Variants in B4GALNT3 observed in about 807,000 individuals in gnomAD.
B4GALNT3 encodes beta-1,4-N-acetyl-galactosaminyltransferase 3.
B4GALNT3 carries 86 observed loss-of-function variants against 120.2 expected under a neutral mutation model. The observed-to-expected ratio is 0.72, with a 90% confidence interval of 0.60 to 0.86. The LOEUF (loss-of-function observed/expected upper bound fraction) is 0.86, where lower values mean the gene tolerates loss of function less well. B4GALNT3 is among the 40% of genes least tolerant of loss of function. B4GALNT3 has a pLI of 0.00. For synonymous variants in B4GALNT3, 518 were observed against 510.4 expected, an observed-to-expected ratio of 1.01 and a Z score of -0.20; for missense variants, 1,167 against 1,298.9, an observed-to-expected ratio of 0.90 and a Z score of 1.56.
intron 3 of B4GALNT3, among the ~76,000 whole-genome samples, chr12:537,316 G>T (rs1302925723): frequency 1.3e-5 from 2 of 152,264 alleles, no homozygotes; most frequent in African/African-American, 4.8e-5. Flanking sequence ...ACAGGGTCTT[G>T]CTTTGTTTCC....
At chr12:511,396 T>C (rs186709112) in intron 1 of B4GALNT3, among the ~76,000 whole-genome samples, 58 of 52,294 alleles carry the variant, frequency 1.1e-3, no homozygotes, top group Admixed American at 2.0e-3. Flanking sequence ...CCACCTTCTG[T>C]CTTCCACCTT....
intron 3 of B4GALNT3, among the ~76,000 whole-genome samples, chr12:541,827 C>A: frequency 7.8e-6 from 1 of 128,410 alleles, no homozygotes; most frequent in Non-Finnish European, 1.7e-5. Flanking sequence ...TCTCCCTGCC[C>A]AGTCCCCCCC....
At position 562,438 on chromosome 12, in the gene B4GALNT3, G is replaced by A. The variant is rs1228343491; in HGVS notation, c.*987G>A. ...AGCCTCACAGTCCAGCTCCACTGCA[G>A]ACCTGCCCTTCTGCAGGGAGAGCCC... is the stretch of plus-strand genomic sequence containing the variant. On this transcript the variant is annotated 3_prime_UTR_variant, in exon 20 of 20. Coordinates refer to ENST00000266383, the MANE Select transcript of B4GALNT3 (RefSeq NM_173593.4). The surrounding 1 kb of genome is among the most constrained non-coding windows in gnomAD (Gnocchi z 5.2). 6.6e-6 allele frequency: 1 copy of A among 152,406 alleles called. No individual in the cohort carries two copies. Among genetic ancestry groups the A allele is most frequent in the African/African-American group, 2.4e-5 (1 of 41,468 alleles). The allele number at this position is 152,406 out of a possible 1,614,324, so 9.4% of individuals were successfully genotyped here. A position where few individuals can be genotyped will look rare whatever the true frequency, so the allele number is the denominator to read the frequency against.
At chr12:512,266 CCTTCTTCCACCTTCCACCTTCCACCTT>C (rs1946588298) in intron 1 of B4GALNT3, among the ~76,000 whole-genome samples, 2 of 75,308 alleles carry the variant, frequency 2.7e-5, no homozygotes, top group African/African-American at 7.6e-5. Flanking sequence ...CCTTCTTCCA[CCTTCTTCCACCTTCCACCTTCCACCTT>C]CTTCCACCTT....
intron 1 of B4GALNT3, among the ~76,000 whole-genome samples, chr12:511,307 A>ACCTTCCG (rs1434465421): frequency 1.6e-5 from 1 of 64,120 alleles, no homozygotes; most frequent in Non-Finnish European, 3.1e-5. Flanking sequence ...TCCACCTTCC[A>ACCTTCCG]CCTTCCGCCT....
At chr12:511,013 CTTTT>C (rs762032000) in intron 1 of B4GALNT3, among the ~76,000 whole-genome samples, 56 of 43,826 alleles carry the variant, frequency 1.3e-3, no homozygotes, top group Middle Eastern at 0.018. Flanking sequence ...TTTGCCTATT[CTTTT>C]TTTTTTTTTT....
chr12:466,033 T>C (rs896524865), intron 1 of B4GALNT3, among the ~76,000 whole-genome samples: 2 of 139,912 alleles, frequency 1.4e-5, no homozygotes, highest in African/African-American at 2.7e-5. Context: ...TGAGGTCCCA[T>C]TCCCCTGCTT....
intron 11 of B4GALNT3, among the ~76,000 whole-genome samples, 176 bp downstream of exon 11, chr12:551,207 C>G (rs561592718): frequency 6.6e-6 from 1 of 152,244 alleles, no homozygotes; most frequent in Admixed American, 6.5e-5. Context: ...ATGGACCGCC[C>G]TGAATAGACT....
Position 490,596 on chromosome 12 carries a change from G to A in B4GALNT3, c.169+30051G>A, listed in dbSNP as rs140385859. 3.3e-3 allele frequency among the ~76,000 whole-genome samples: 498 copies of A among 152,224 alleles called. 2 individuals are homozygous for A. Among genetic ancestry groups the A allele is most frequent in the African/African-American group, 0.011 (467 of 41,532 alleles). ...AATACAAAAATTATCTGGGCATAGT[G>A]GCTTGTGCCTATAGTCCCAGCTACT... On this transcript the variant is annotated intron_variant, in intron 1 of 19. Transcript: ENST00000266383.
chr12:492,476 A>G (rs1178611954), intron 1 of B4GALNT3, among the ~76,000 whole-genome samples: 1 of 152,244 alleles, frequency 6.6e-6, no homozygotes, highest in Non-Finnish European at 1.5e-5. Context: ...AGAACTAATT[A>G]AGTAAAGAGA....
Position 521,981 on chromosome 12 carries a change from T to TG in B4GALNT3, c.170-13185_170-13184insG, listed in dbSNP as rs1235753602. Among the ~76,000 whole-genome samples the TG allele has an allele frequency of 5.9e-5, 9 of 151,546 alleles. No homozygotes were observed. The East Asian group carries it at 1.6e-3, about 26-fold the overall frequency. On this transcript the variant is annotated intron_variant, in intron 1 of 19. Transcript: ENST00000266383. ...CCGCTCAGAAGTTCTTTTTTTTTTT[T>TG]TAACTTATTGGCTGGGATTGCCCCA...
intron 3 of B4GALNT3, among the ~76,000 whole-genome samples, chr12:541,450 C>T (rs952398273): frequency 2.6e-5 from 4 of 152,204 alleles, no homozygotes; most frequent in Admixed American, 6.5e-5. Flanking sequence ...GACAATGGAG[C>T]GAGTGGGCAG....
intron 1 of B4GALNT3, among the ~76,000 whole-genome samples, chr12:498,802 C>G (rs1271326207): frequency 6.6e-6 from 1 of 152,240 alleles, no homozygotes; most frequent in Non-Finnish European, 1.5e-5. Context: ...GCACGCTGGA[C>G]AGCCAGGGGC....
intron 3 of B4GALNT3, chr12:543,194 C>T (rs1438634069): frequency 7.8e-6 from 10 of 1,289,294 alleles, no homozygotes; most frequent in South Asian, 2.5e-5. Flanking sequence ...ATGGGGTGAA[C>T]ATCAGCACCA....
intron 14 of B4GALNT3, among the ~76,000 whole-genome samples, chr12:554,419 C>T (rs1428203148): frequency 6.6e-6 from 1 of 152,190 alleles, no homozygotes; most frequent in African/African-American, 2.4e-5. Context: ...ATTCATTCAA[C>T]CAGTCAACAT....
At chr12:517,342 G>A (rs1445323648) in intron 1 of B4GALNT3, among the ~76,000 whole-genome samples, 1 of 152,064 alleles carries the variant, frequency 6.6e-6, no homozygotes, top group African/African-American at 2.4e-5. Context: ...AGAAGATCAG[G>A]GATTACAGGG....
At chr12:555,491 G>A (rs1947141565) in intron 14 of B4GALNT3, 1 of 402,262 alleles carries the variant, frequency 2.5e-6, no homozygotes. Flanking sequence ...ATCCGTTGAA[G>A]GACATGTGGG....
chr12:462,362 C>T (rs1346848077), intron 1 of B4GALNT3, among the ~76,000 whole-genome samples: 1 of 149,732 alleles, frequency 6.7e-6, no homozygotes, highest in Admixed American at 6.7e-5. Flanking sequence ...TTTTCTTTTA[C>T]CTCCGGTGTG....
chr12:460,366 G>A lies in B4GALNT3; in HGVS notation c.-11G>A. On this transcript the variant is annotated 5_prime_UTR_variant, in exon 1 of 20. Transcript: ENST00000266383. This position sits in a 1 kb window ranked among gnomAD's most constrained non-coding sequence, Gnocchi z 8.0. Reference sequence around the variant, plus strand: ...AGCCCGCGCTGGCGGCGGCCGCCTCGGCGCAGCGCCATGGGGAGCCCCCGG... The same window carrying A: ...AGCCCGCGCTGGCGGCGGCCGCCTCAGCGCAGCGCCATGGGGAGCCCCCGG... The A allele has an allele frequency of 8.4e-7, 1 of 1,189,166 alleles. No homozygotes were observed. The highest frequency in any genetic ancestry group is 1.0e-6 in the Non-Finnish European group (1 of 961,604). 73.7% of individuals were successfully genotyped at this position (1,189,166 alleles called of 1,614,324 possible).
Sources: allele counts gnomAD v4.1 joint callset (sites outside exome capture counted in the v4.1 genomes callset), GRCh38; gene constraint gnomAD v4.1.1; non-coding constraint Gnocchi (gnomAD v3.1); transcripts MANE v1.5; gene names NCBI Gene and HGNC (gene_info 2026-07-23, HGNC 2026-07-21).